The following NLRP2 variants were observed in gnomAD, a reference collection of about 807,000 sequenced individuals.
The protein encoded by NLRP2 is NLR family pyrin domain containing 2.
A neutral mutation model predicts 97.2 loss-of-function variants in NLRP2; 107 were observed. The ratio of observed to expected loss-of-function variants is 1.10; its 90% confidence interval spans 0.94 to 1.29. The LOEUF (loss-of-function observed/expected upper bound fraction) is 1.29, where lower values mean the gene tolerates loss of function less well. Ranked by LOEUF, NLRP2 falls within the 50% of genes most tolerant of loss-of-function variation. The pLI is 0.00. For missense variants in NLRP2, 1,495 were observed against 1,330.3 expected, an observed-to-expected ratio of 1.12 and a Z score of -1.93; for synonymous variants, 663 against 551.5, an observed-to-expected ratio of 1.20 and a Z score of -2.83.
intron 6 of NLRP2, among the ~76,000 whole-genome samples, chr19:54,984,329 GTTTTTTTTTTT>G (rs200366059): frequency 1.1e-4 from 9 of 79,676 alleles, no homozygotes; most frequent in South Asian, 4.1e-4. Flanking sequence ...TTTTTTTTGT[GTTTTTTTTTTT>G]TTTTTTTTTT....
Position 54,981,509 on chromosome 19 carries a change from G to GACCCCC in NLRP2, c.398-108_398-107insACCCCC. On this transcript the variant is annotated intron_variant, in intron 4 of 12. Coordinates refer to ENST00000448584, the MANE Select transcript of NLRP2 (RefSeq NM_017852.5). ...GCTTATTTGCTTTATCTGATCCCGT[G>GACCCCC]CCCCCCCTCCCCCCCGCCCCATCAG... 4 of 386,502 alleles carry GACCCCC rather than the reference G, an allele frequency of 1.0e-5. 1 individual carries two copies. The highest frequency in any genetic ancestry group is 5.6e-5 in the Admixed American group (2 of 35,486). 23.9% of individuals were successfully genotyped at this position (386,502 alleles called of 1,614,324 possible).
chr19:54,985,311 T>A, intron 7 of NLRP2, 94 bp downstream of exon 7: 1 of 1,170,642 alleles, frequency 8.5e-7, no homozygotes, highest in Non-Finnish European at 1.3e-6. Context: ...TGTACTAGAC[T>A]CTTAAGTGCT....
intron 9 of NLRP2, 89 bp downstream of exon 9, chr19:54,990,281 C>T: frequency 7.3e-7 from 1 of 1,377,534 alleles, no homozygotes; most frequent in Non-Finnish European, 1.0e-6. Flanking sequence ...CTGTATGGAA[C>T]CTCTCGCTGA....
In NLRP2 at chr19:54,975,106, G is replaced by GTTTTTTTTTTTTTTTT. The variant is rs558518586; in HGVS notation, c.325+584_325+599dup. The stretch of plus-strand genomic sequence containing the variant: ...ATGAGCCACCACCACACCCGGTTTT[G>GTTTTTTTTTTTTTTTT]TTTTTTTTTTTTTTTTTTTTTTTTT... On this transcript the variant is annotated intron_variant, in intron 3 of 12. Transcript: ENST00000448584. 7.7e-4 allele frequency among the ~76,000 whole-genome samples: 45 copies of GTTTTTTTTTTTTTTTT among 58,702 alleles called. 8 individuals carry two copies. Among genetic ancestry groups the GTTTTTTTTTTTTTTTT allele is most frequent in the Non-Finnish European group, 1.2e-3 (35 of 28,944 alleles). 38.5% of individuals were successfully genotyped at this position (58,702 alleles called of 152,430 possible). A position where few individuals can be genotyped will look rare whatever the true frequency, so the allele number is the denominator to read the frequency against.
chr19:54,969,128 A>G (rs759972310), intron 1 of NLRP2, among the ~76,000 whole-genome samples: 45 of 152,142 alleles, frequency 3.0e-4, no homozygotes, highest in Non-Finnish European at 5.9e-4. Context: ...CTACTTTGCT[A>G]TAATGAGAGA....
chr19:54,986,320 A>C lies in NLRP2; in HGVS notation c.2366+5A>C, dbSNP rs763926195. On this transcript the variant is annotated splice_donor_5th_base_variant and intron_variant, in intron 8 of 12. Coordinates refer to ENST00000448584, the MANE Select transcript of NLRP2 (RefSeq NM_017852.5). ...ATGTAACCTGCGATATCTCGGGTAT[A>C]TCTCTTAATCATTAAAATCCTTCAT... The C allele has an allele frequency of 6.2e-7, 1 of 1,611,080 alleles. No individual in the cohort carries two copies. The highest frequency in any genetic ancestry group is 8.5e-7 in the Non-Finnish European group (1 of 1,177,400).
intron 10 of NLRP2, among the ~76,000 whole-genome samples, chr19:54,991,760 T>G (rs1013121247): frequency 4.7e-5 from 7 of 150,182 alleles, no homozygotes; most frequent in Non-Finnish European, 8.9e-5. Flanking sequence ...TCCCAGCTAC[T>G]TGGGAGGCTG....
rs773169454 is a variant in NLRP2, at chr19:54,990,556, G to C, written c.2592G>C (p.Leu864Phe). 1 of 1,614,128 alleles carries C rather than the reference G, an allele frequency of 6.2e-7. No individual in the cohort carries two copies. The highest frequency in any genetic ancestry group is 1.7e-5 in the Admixed American group (1 of 60,006). The change falls in exon 10 of 13, where the codon TTG (leucine) becomes TTC (phenylalanine). Residue 864 changes from leucine to phenylalanine, a missense_variant. By Grantham distance (22) the Leu-to-Phe change is conservative (BLOSUM62 0). Transcript: ENST00000448584. ...ATTGCAAGGACCTTGCTGCTGTGTT[G>C]GTTGTCAGCCGGGAGCTGACACACC... Reference protein sequence around the residue: ...EANCKDLAAVLVVSRELTHLC... With the variant: ...EANCKDLAAVFVVSRELTHLC...
chr19:54,968,683 A>T (rs1483756036), intron 1 of NLRP2, among the ~76,000 whole-genome samples: 1 of 124,262 alleles, frequency 8.0e-6, no homozygotes, highest in Non-Finnish European at 1.7e-5. Flanking sequence ...AGGCTCCACC[A>T]CTAAGTTATC....
rs1350703215 is a variant in NLRP2, at chr19:54,984,328, T to TG, written c.2030+601dup. Among the ~76,000 whole-genome samples, 35 of 64,402 alleles carry TG rather than the reference T, an allele frequency of 5.4e-4. 1 individual carries two copies. Among genetic ancestry groups the TG allele is most frequent in the Non-Finnish European group, 6.0e-4 (21 of 35,020 alleles). 42.3% of individuals were successfully genotyped at this position (64,402 alleles called of 152,430 possible). On this transcript the variant is annotated intron_variant, in intron 6 of 12. Coordinates refer to ENST00000448584, the MANE Select transcript of NLRP2 (RefSeq NM_017852.5). ...TAACTTAAGTGGGGGTTTTTTTTTG[T>TG]GTTTTTTTTTTTTTTTTTTTTTTTG... is the stretch of plus-strand genomic sequence containing the variant.
At chr19:54,991,874 G>A (rs2072497278) in intron 10 of NLRP2, among the ~76,000 whole-genome samples, 1 of 147,256 alleles carries the variant, frequency 6.8e-6, no homozygotes, top group Admixed American at 6.8e-5. Flanking sequence ...AATTGTATCT[G>A]CACTGATGGT....
intron 1 of NLRP2, among the ~76,000 whole-genome samples, chr19:54,969,301 C>T (rs1456355606): frequency 6.6e-6 from 1 of 151,538 alleles, no homozygotes; most frequent in Admixed American, 6.6e-5. Flanking sequence ...TGGTGAAACC[C>T]CCCATCTCTA....
rs771898711 is a variant in NLRP2, at chr19:54,969,996, C to G, written c.-17-3C>G. ...TCCACTCCTCCCTTGATTGTCATCA[C>G]AGCTCCCACGTGGGACAAGATGGTG... is the stretch of plus-strand genomic sequence containing the variant. On this transcript the variant is annotated splice_polypyrimidine_tract_variant and splice_region_variant and intron_variant, in intron 1 of 12. Transcript: ENST00000448584. 1 of 1,612,602 alleles carries G rather than the reference C, an allele frequency of 6.2e-7. No homozygotes were observed. Among genetic ancestry groups the G allele is most frequent in the East Asian group, 2.2e-5 (1 of 44,872 alleles).
At chr19:54,971,673 G>GT (rs987892848) in intron 2 of NLRP2, among the ~76,000 whole-genome samples, 9 of 151,888 alleles carry the variant, frequency 5.9e-5, no homozygotes, top group Non-Finnish European at 1.0e-4. Flanking sequence ...GGGGTTGTTT[G>GT]TTTTTTTCTT....
intron 5 of NLRP2, 142 bp from the exon 6 acceptor site, chr19:54,982,020 T>G (rs2071607022): frequency 1.0e-6 from 1 of 995,978 alleles, no homozygotes; most frequent in Non-Finnish European, 1.6e-6. Flanking sequence ...TCAGGTGATC[T>G]GCCTGCCTCG....
intron 12 of NLRP2, among the ~76,000 whole-genome samples, chr19:54,999,230 C>G (rs561549241): frequency 6.6e-6 from 1 of 152,326 alleles, no homozygotes; most frequent in African/African-American, 2.4e-5. Flanking sequence ...TTACTGCAAC[C>G]TCCGCCTCCC....
At chr19:54,975,106 G>GTTTTTTTTTTTTTTTTTTTTTTTTTTTT in intron 3 of NLRP2, among the ~76,000 whole-genome samples, 1 of 58,706 alleles carries the variant, frequency 1.7e-5, no homozygotes. Context: ...ACCCGGTTTT[G>GTTTTTTTTTTTTTTTTTTTTTTTTTTTT]TTTTTTTTTT....
At chr19:54,967,706 G>T (rs760752625) in intron 1 of NLRP2, among the ~76,000 whole-genome samples, 1 of 152,008 alleles carries the variant, frequency 6.6e-6, no homozygotes, top group Non-Finnish European at 1.5e-5. Flanking sequence ...GTCCTGGGCA[G>T]TGCTAAGGTT....
intron 8 of NLRP2, among the ~76,000 whole-genome samples, chr19:54,987,611 G>T (rs185962106): frequency 6.6e-6 from 1 of 152,042 alleles, no homozygotes; most frequent in Non-Finnish European, 1.5e-5. Flanking sequence ...GCATGTTGGC[G>T]CACGCCTGTA....
Sources: allele counts gnomAD v4.1 joint callset (sites outside exome capture counted in the v4.1 genomes callset), GRCh38; gene constraint gnomAD v4.1.1; transcripts MANE v1.5; gene names NCBI Gene and HGNC (gene_info 2026-07-23, HGNC 2026-07-21).